Variants in RBMS3 observed in about 807,000 individuals in gnomAD.
RBMS3 encodes RNA-binding motif, single-stranded-interacting protein 3.
A neutral mutation model predicts 66.8 loss-of-function variants in RBMS3; 27 were observed. That is an observed-to-expected ratio of 0.40 (90% CI 0.30 to 0.56). The LOEUF (loss-of-function observed/expected upper bound fraction) is 0.56. Among genes scored for constraint, RBMS3 ranks in the 20% least tolerant of loss-of-function variants. The pLI is 0.40. For missense variants in RBMS3, 513 were observed against 549.5 expected (o/e 0.93, Z 0.66); for synonymous variants, 188 against 183.0 (o/e 1.03, Z -0.22).
intron 4 of RBMS3, among the ~76,000 whole-genome samples, chr3:29,650,578 G>GCACCA (rs1314603729): frequency 2.0e-5 from 3 of 152,078 alleles, no homozygotes; most frequent in Admixed American, 1.3e-4. Context: ...TAGGCATGAG[G>GCACCA]CACCACGCCT....
At chr3:29,945,258 G>A (rs1462746556) in intron 12 of RBMS3, among the ~76,000 whole-genome samples, 4 of 151,626 alleles carry the variant, frequency 2.6e-5, no homozygotes, top group Non-Finnish European at 4.4e-5. Context: ...TGGTTTTCAA[G>A]CAGGGGAAAT....
intron 4 of RBMS3, among the ~76,000 whole-genome samples, chr3:29,635,316 G>A (rs1352835177): frequency 1.3e-5 from 2 of 151,828 alleles, no homozygotes; most frequent in East Asian, 3.9e-4. Context: ...AGACAAACCT[G>A]CTCTTTCTGC....
At chr3:29,547,545 T>C (rs1433122144) in intron 3 of RBMS3, among the ~76,000 whole-genome samples, 1 of 152,040 alleles carries the variant, frequency 6.6e-6, no homozygotes, top group Non-Finnish European at 1.5e-5. Context: ...AATGGAAGTA[T>C]CCAATCCTTA....
chr3:29,770,293 A>G (rs762890663), intron 6 of RBMS3, among the ~76,000 whole-genome samples: 83 of 152,170 alleles, frequency 5.5e-4, no homozygotes, highest in Middle Eastern at 3.4e-3. Context: ...CCCTTTTGGC[A>G]TAATATTGTT....
chr3:29,590,304 G>A lies in RBMS3; in HGVS notation c.399+3099G>A, dbSNP rs534141759. On this transcript the variant is annotated intron_variant, in intron 4 of 14. Transcript: ENST00000383767. ...CTCTTAGGTTAGAGAACTGCTGTGA[G>A]AATTTTAAAAAATACATTAAGTATT... Among the ~76,000 whole-genome samples, 22 of 152,036 alleles carry A rather than the reference G, an allele frequency of 1.4e-4. No individual in the cohort carries two copies. In the South Asian group the frequency reaches 4.4e-3, roughly 30 times the overall value.
rs570910031 is a variant in RBMS3 at position 29,376,778 on chromosome 3, C to T, written c.76-57965C>T. 2.7e-3 allele frequency among the ~76,000 whole-genome samples: 413 copies of T among 151,986 alleles called. 1 individual carries two copies. The highest frequency in any genetic ancestry group is 7.6e-3 in the African/African-American group (316 of 41,442). On this transcript the variant is annotated intron_variant, in intron 1 of 14. Coordinates refer to ENST00000383767, the MANE Select transcript of RBMS3 (RefSeq NM_001003793.3). Reference sequence around the variant, plus strand: ...AAAAATTACCTGGCGTGGTGGCGGGCGCCTGTAGTCCCAGCTACTCAGGAG... The same window carrying T: ...AAAAATTACCTGGCGTGGTGGCGGGTGCCTGTAGTCCCAGCTACTCAGGAG...
chr3:29,860,964 C>G (rs540904184), intron 6 of RBMS3, among the ~76,000 whole-genome samples: 1 of 152,264 alleles, frequency 6.6e-6, no homozygotes, highest in African/African-American at 2.4e-5. Context: ...CCCCGGTTCA[C>G]GCCATTCTCC....
Position 29,921,585 on chromosome 3 carries a change from A to G in RBMS3, c.940-14501A>G, listed in dbSNP as rs141780061. ...CAATCAATTAACCAGTGAGTTGACA[A>G]CTGGCCTTGATCAGAGCTAAGGAGA... On this transcript the variant is annotated intron_variant, in intron 10 of 14. Coordinates refer to ENST00000383767, the MANE Select transcript of RBMS3 (RefSeq NM_001003793.3). Among the ~76,000 whole-genome samples, 392 of 152,228 alleles carry G rather than the reference A, an allele frequency of 2.6e-3. 1 individual carries two copies. The highest frequency in any genetic ancestry group is 9.2e-3 in the African/African-American group (381 of 41,528).
At chr3:29,634,470 C>T (rs9835218) in intron 4 of RBMS3, among the ~76,000 whole-genome samples, 45 of 151,902 alleles carry the variant, frequency 3.0e-4, no homozygotes, top group African/African-American at 8.9e-4. Flanking sequence ...ACCTGCAAGC[C>T]TTGTTTTTCT....
intron 4 of RBMS3, among the ~76,000 whole-genome samples, chr3:29,643,820 G>T (rs1472745847): frequency 6.6e-6 from 1 of 152,044 alleles, no homozygotes; most frequent in Non-Finnish European, 1.5e-5. Context: ...TATTGATCTC[G>T]TCTCATTTCT....
chr3:29,805,323 C>G (rs2057514150), intron 6 of RBMS3, among the ~76,000 whole-genome samples: 1 of 151,986 alleles, frequency 6.6e-6, no homozygotes, highest in African/African-American at 2.4e-5. Flanking sequence ...AATACTTGAT[C>G]ATGATAATAA....
chr3:29,682,403 T>C (rs1387920569), intron 4 of RBMS3, among the ~76,000 whole-genome samples: 1 of 152,232 alleles, frequency 6.6e-6, no homozygotes, highest in Non-Finnish European at 1.5e-5. Flanking sequence ...TCCGCCGGCC[T>C]TGGCCTCCCA....
intron 6 of RBMS3, among the ~76,000 whole-genome samples, chr3:29,820,615 A>G (rs907330591): frequency 6.6e-6 from 1 of 152,086 alleles, no homozygotes; most frequent in Non-Finnish European, 1.5e-5. Context: ...GCCCTAAGAT[A>G]TTTTCTGTCA....
intron 3 of RBMS3, among the ~76,000 whole-genome samples, chr3:29,525,245 TTG>T (rs1428003374): frequency 1.3e-5 from 2 of 152,124 alleles, no homozygotes; most frequent in African/African-American, 4.8e-5. Flanking sequence ...CTGCATATGA[TTG>T]TGTTATTAGG....
At chr3:29,647,764 ATGT>A (rs2049983480) in intron 4 of RBMS3, among the ~76,000 whole-genome samples, 1 of 152,192 alleles carries the variant, frequency 6.6e-6, no homozygotes, top group African/African-American at 2.4e-5. Flanking sequence ...TCCTGCCATG[ATGT>A]TGTTTAACTA....
intron 4 of RBMS3, chr3:29,731,019 A>AATT (rs1559614425): frequency 1.0e-6 from 1 of 985,218 alleles, no homozygotes; most frequent in Non-Finnish European, 1.2e-6. Flanking sequence ...AGGTAACTTA[A>AATT]ATTTAGTCAT....
At chr3:29,965,212 A>T (rs1018503994) in intron 12 of RBMS3, among the ~76,000 whole-genome samples, 8 of 152,184 alleles carry the variant, frequency 5.3e-5, no homozygotes, top group African/African-American at 2.4e-5. Context: ...GAATAATAAT[A>T]ATTATTTTTT....
At chr3:29,362,324 G>T (rs1006200748) in intron 1 of RBMS3, among the ~76,000 whole-genome samples, 2 of 150,450 alleles carry the variant, frequency 1.3e-5, no homozygotes, top group Admixed American at 6.6e-5. Context: ...TCCAGACCCT[G>T]TTTGCCTGGG....
At chr3:29,993,547 A>AC (rs1057293572) in intron 14 of RBMS3, among the ~76,000 whole-genome samples, 12 of 152,026 alleles carry the variant, frequency 7.9e-5, no homozygotes, top group Admixed American at 7.2e-4. Context: ...AGCAGATTCC[A>AC]CCCCCCACTG....
Sources: gnomAD v4.1 joint callset for allele counts (sites outside exome capture counted in the v4.1 genomes callset) on GRCh38, gnomAD v4.1.1 for gene constraint, MANE v1.5 for transcripts, NCBI Gene and HGNC (gene_info 2026-07-23, HGNC 2026-07-21) for gene names.